Variants in TRIM33 observed in about 807,000 individuals in gnomAD.
TRIM33 encodes tripartite motif containing 33.
In TRIM33, 20 loss-of-function variants were observed where a neutral mutation model predicts 125.4. That is an observed-to-expected ratio of 0.16 (90% confidence interval 0.11 to 0.23). The LOEUF is 0.23. Among genes scored for constraint, TRIM33 ranks in the 10% least tolerant of loss-of-function variants. The probability of loss-of-function intolerance (pLI) is 1.00; values close to 1 mark genes in which losing one functional copy is unlikely to be tolerated. For missense variants in TRIM33, 920 were observed against 1,411.4 expected, an observed-to-expected ratio of 0.65 and a Z score of 5.58; for synonymous variants, 564 against 513.9, an observed-to-expected ratio of 1.10 and a Z score of -1.32.
intron 1 of TRIM33, among the ~76,000 whole-genome samples, chr1:114,475,631 G>C (rs377679391): frequency 2.0e-5 from 3 of 152,216 alleles, no homozygotes; most frequent in South Asian, 2.1e-4. Context: ...GCAGTGAGCC[G>C]AGATGGCGCC....
chr1:114,401,100 G>T (rs1250750047), intron 17 of TRIM33, among the ~76,000 whole-genome samples: 1 of 150,220 alleles, frequency 6.7e-6, no homozygotes, highest in Admixed American at 6.7e-5. Flanking sequence ...GCAGTGGCGC[G>T]ATCTCGGCTC....
chr1:114,395,137 G>C lies in TRIM33; in HGVS notation c.*2511C>G, dbSNP rs1349811517. ...TATTAGAGCTGAAAAAATCAGCTTA[G>C]AAACACAACGATCAGTGTGCAAGAA... On this transcript the variant is annotated 3_prime_UTR_variant, in exon 20 of 20. Coordinates refer to ENST00000358465, the MANE Select transcript of TRIM33 (RefSeq NM_015906.4). 5.0e-6 allele frequency: 1 copy of C among 198,486 alleles called. No individual in the cohort carries two copies. Among genetic ancestry groups the C allele is most frequent in the Non-Finnish European group, 1.0e-5 (1 of 96,084 alleles). The allele number at this position is 198,486 out of a possible 1,614,324, so 12.3% of individuals were successfully genotyped here.
At position 114,397,309 on chromosome 1, in the gene TRIM33, C is replaced by T; in HGVS notation, c.*339G>A. The T allele has an allele frequency of 3.2e-6, 1 of 315,074 alleles. No individual in the cohort carries two copies. Among genetic ancestry groups the T allele is most frequent in the Non-Finnish European group, 5.9e-6 (1 of 170,174 alleles). 19.5% of individuals were successfully genotyped at this position (315,074 alleles called of 1,614,324 possible). ...CGAGTCTCAAGTATTTACTCGTATACCAAGTATCCTGCACCAATCAATAGC... is the reference window on the plus strand; with the variant it reads ...CGAGTCTCAAGTATTTACTCGTATATCAAGTATCCTGCACCAATCAATAGC... On this transcript the variant is annotated 3_prime_UTR_variant, in exon 20 of 20. Coordinates refer to ENST00000358465, the MANE Select transcript of TRIM33 (RefSeq NM_015906.4).
chr1:114,399,531 G>C lies in TRIM33; in HGVS notation c.3046C>G (p.Gln1016Glu). The C allele has an allele frequency of 6.2e-7, 1 of 1,613,136 alleles. No individual in the cohort carries two copies. Among genetic ancestry groups the C allele is most frequent in the Admixed American group, 1.7e-5 (1 of 59,962 alleles). The stretch of plus-strand genomic sequence containing the variant: ...AAGTCATCCGGGATTTGGTAGTGTT[G>C]GGAATGTTTTTTCTGAAGCTTCTTT... ...VKKKLQKKHS[Q>E]HYQIPDDFVA... Residue 1016 changes from glutamine (Q) to glutamate (E), a missense_variant, in exon 18 of 20, where the codon CAA becomes GAA. Physicochemically the swap from Gln to Glu is conservative, Grantham distance 29. Transcript: ENST00000358465.
At chr1:114,433,833 A>T (rs752887847) in intron 4 of TRIM33, 100 bp from the exon 5 acceptor site, 123 of 725,968 alleles carry the variant, frequency 1.7e-4, no homozygotes, top group Non-Finnish European at 6.3e-5. Flanking sequence ...ACCTTAATTA[A>T]GTGATCAACT....
intron 6 of TRIM33, among the ~76,000 whole-genome samples, chr1:114,429,280 C>T (rs945612396): frequency 3.3e-5 from 5 of 151,926 alleles, no homozygotes; most frequent in Non-Finnish European, 4.4e-5. Context: ...CTCCACCTCC[C>T]GGGTTCAAGC....
At chr1:114,483,775 T>A (rs995632156) in intron 1 of TRIM33, among the ~76,000 whole-genome samples, 1 of 152,054 alleles carries the variant, frequency 6.6e-6, no homozygotes, top group Non-Finnish European at 1.5e-5. Context: ...ACAAACTCTT[T>A]AGAAAATAGA....
chr1:114,503,247 G>A (rs1249149912), intron 1 of TRIM33, among the ~76,000 whole-genome samples: 1 of 152,230 alleles, frequency 6.6e-6, no homozygotes, highest in Non-Finnish European at 1.5e-5. Flanking sequence ...TTGGGAGGCT[G>A]AGGTGGGCAG....
intron 1 of TRIM33, among the ~76,000 whole-genome samples, chr1:114,506,916 ATG>A (rs1653038222): frequency 6.6e-6 from 1 of 152,226 alleles, no homozygotes; most frequent in African/African-American, 2.4e-5. Context: ...ATGCAGGCAC[ATG>A]GAGTCATCAC....
intron 1 of TRIM33, among the ~76,000 whole-genome samples, chr1:114,477,332 A>G (rs922853228): frequency 2.6e-5 from 4 of 152,028 alleles, no homozygotes; most frequent in Non-Finnish European, 4.4e-5. Context: ...ATTTAAAGCT[A>G]GCAAAACCTT....
intron 4 of TRIM33, among the ~76,000 whole-genome samples, chr1:114,451,322 C>T (rs975822124): frequency 2.6e-5 from 4 of 151,246 alleles, no homozygotes; most frequent in African/African-American, 9.7e-5. Context: ...ATCATTCAAT[C>T]CCATTAGGTC....
chr1:114,435,877 C>CTTTTTTTTTTT (rs34327766), intron 4 of TRIM33, among the ~76,000 whole-genome samples: 2 of 73,324 alleles, frequency 2.7e-5, no homozygotes, highest in African/African-American at 6.4e-5. Flanking sequence ...TAGACACCCG[C>CTTTTTTTTTTT]TTTTTTTTTT....
At chr1:114,451,096 T>A (rs1239634306) in intron 4 of TRIM33, among the ~76,000 whole-genome samples, 1 of 152,108 alleles carries the variant, frequency 6.6e-6, no homozygotes, top group Non-Finnish European at 1.5e-5. Flanking sequence ...TCCCCAGAGC[T>A]TAATGGACAG....
intron 4 of TRIM33, among the ~76,000 whole-genome samples, chr1:114,456,939 T>G (rs1649663193): frequency 1.3e-5 from 2 of 151,848 alleles, no homozygotes; most frequent in Admixed American, 1.3e-4. Context: ...GGTGAAAAAA[T>G]CCTTAGAAAT....
rs750533056 is a variant in TRIM33 at position 114,510,579 on chromosome 1, C to G, written c.498G>C (p.Pro166=). ...EPERQLSVPI[P]GGSNGDIQQV... ...GCTGGATGTCGCCGTTGCTGCCCCC[C>G]GGGATGGGCACGCTGAGCTGGCGCT... The change falls in exon 1 of 20, where the codon CCG becomes CCC. Residue 166 remains proline, a synonymous_variant. Coordinates refer to ENST00000358465, the MANE Select transcript of TRIM33 (RefSeq NM_015906.4). 1 of 1,526,564 alleles carries G rather than the reference C, an allele frequency of 6.6e-7. No individual in the cohort carries two copies. Among genetic ancestry groups the G allele is most frequent in the Non-Finnish European group, 8.8e-7 (1 of 1,141,162 alleles). The allele number at this position is 1,526,564 out of a possible 1,614,324, so 94.6% of individuals were successfully genotyped here.
intron 4 of TRIM33, among the ~76,000 whole-genome samples, chr1:114,451,409 T>A (rs1399276461): frequency 6.6e-6 from 1 of 151,330 alleles, no homozygotes; most frequent in Non-Finnish European, 1.5e-5. Context: ...AAATCCCCAT[T>A]GATGTCTCTT....
chr1:114,421,665 T>C, intron 10 of TRIM33, 29 bp from the exon 11 acceptor site: 2 of 1,605,448 alleles, frequency 1.2e-6, no homozygotes, highest in Non-Finnish European at 1.7e-6. Flanking sequence ...TTATCATTAC[T>C]TGATCTGCCA....
chr1:114,497,365 C>T (rs1388459200), intron 1 of TRIM33, among the ~76,000 whole-genome samples: 4 of 152,084 alleles, frequency 2.6e-5, no homozygotes, highest in African/African-American at 4.8e-5. Flanking sequence ...AGCGCAATCT[C>T]GGCTCACTGT....
At chr1:114,410,914 A>G (rs1652540841) in intron 11 of TRIM33, among the ~76,000 whole-genome samples, 1 of 152,220 alleles carries the variant, frequency 6.6e-6, no homozygotes, top group Non-Finnish European at 1.5e-5. Flanking sequence ...TCCTTAAAAC[A>G]TGCCACCTAT....
Sources: allele counts gnomAD v4.1 joint callset (sites outside exome capture counted in the v4.1 genomes callset), GRCh38; gene constraint gnomAD v4.1.1; transcripts MANE v1.5; gene names NCBI Gene and HGNC (gene_info 2026-07-23, HGNC 2026-07-21).